The following RBFOX1 variants were observed in gnomAD, a reference collection of about 807,000 sequenced individuals.
RBFOX1 encodes RNA binding fox-1 homolog 1.
Under a neutral mutation model 57.7 loss-of-function variants are expected in RBFOX1, and 8 were observed. The observed-to-expected ratio is 0.14, with a 90% CI of 0.08 to 0.25. RBFOX1 has a LOEUF of 0.25. Among genes scored for constraint, RBFOX1 ranks in the 10% least tolerant of loss-of-function variants. The pLI is 1.00. For missense variants in RBFOX1, 611 were observed against 548.5 expected (o/e 1.11, Z -1.14); for synonymous variants, 326 against 222.4 (o/e 1.47, Z -4.15).
chr16:7,206,893 G>C lies in RBFOX1; in HGVS notation c.27+154795G>C, dbSNP rs554857008. Among the ~76,000 whole-genome samples the C allele has an allele frequency of 2.6e-5, 4 of 152,214 alleles. No homozygotes were observed. In the East Asian group the frequency reaches 5.8e-4, roughly 22 times the overall value. ...GAGGCTGGAGAAACCGTCTTAACTTGAAACAGTAGTTTATTGCTTCTTACA... is the reference window on the plus strand; with the variant it reads ...GAGGCTGGAGAAACCGTCTTAACTTCAAACAGTAGTTTATTGCTTCTTACA... On this transcript the variant is annotated intron_variant, in intron 4 of 15. Transcript: ENST00000550418.
At chr16:6,731,431 C>G (rs1382395504) in intron 3 of RBFOX1, among the ~76,000 whole-genome samples, 1 of 152,152 alleles carries the variant, frequency 6.6e-6, no homozygotes. Context: ...CTGCTACTCT[C>G]TGTCCTTCAT....
chr16:5,612,834 G>A (rs2047873371), intron 3 of RBFOX1, among the ~76,000 whole-genome samples: 1 of 152,240 alleles, frequency 6.6e-6, no homozygotes. Context: ...GTGCCACCAT[G>A]AGGCAGAAAC....
At chr16:7,096,379 A>G (rs139723457) in intron 4 of RBFOX1, among the ~76,000 whole-genome samples, 90 of 152,178 alleles carry the variant, frequency 5.9e-4, no homozygotes, top group South Asian at 3.9e-3. Flanking sequence ...TCTCGGACCT[A>G]TTTTTCTCCG....
chr16:6,682,753 A>G (rs1441160846), intron 3 of RBFOX1, among the ~76,000 whole-genome samples: 1 of 151,990 alleles, frequency 6.6e-6, no homozygotes, highest in Non-Finnish European at 1.5e-5. Flanking sequence ...CATTACCAGT[A>G]GATTCATACT....
intron 2 of RBFOX1, among the ~76,000 whole-genome samples, chr16:6,598,761 T>C (rs9938984): frequency 0.069 from 10,438 of 152,008 alleles, 1,205 homozygotes; most frequent in African/African-American, 0.24. Context: ...GCCGGACCAA[T>C]ATGGTGAAAC....
At chr16:7,445,492 C>CA (rs2098800902) in intron 4 of RBFOX1, among the ~76,000 whole-genome samples, 1 of 152,098 alleles carries the variant, frequency 6.6e-6, no homozygotes, top group Non-Finnish European at 1.5e-5. Context: ...ATGAACTTCT[C>CA]AAAATGCACT....
chr16:7,403,912 T>TG (rs2098287843), intron 4 of RBFOX1, among the ~76,000 whole-genome samples: 1 of 149,190 alleles, frequency 6.7e-6, no homozygotes, highest in East Asian at 2.0e-4. Context: ...ATATTATTCT[T>TG]TTATATATAT....
intron 2 of RBFOX1, among the ~76,000 whole-genome samples, chr16:6,629,094 G>A (rs1476976473): frequency 1.3e-5 from 2 of 152,140 alleles, no homozygotes; most frequent in Non-Finnish European, 2.9e-5. Flanking sequence ...AAATGAAAGA[G>A]TACATACTTT....
chr16:7,366,905 C>A (rs2147054249), intron 4 of RBFOX1, among the ~76,000 whole-genome samples: 1 of 152,168 alleles, frequency 6.6e-6, no homozygotes, highest in African/African-American at 2.4e-5. Flanking sequence ...CTTTTCATCC[C>A]CCCAAATCAT....
chr16:5,594,074 T>G (rs17500334), intron 2 of RBFOX1, among the ~76,000 whole-genome samples: 1 of 151,944 alleles, frequency 6.6e-6, no homozygotes, highest in Non-Finnish European at 1.5e-5. Context: ...TTGGTCCACG[T>G]AGGTTTTACT....
chr16:7,458,505 T>C (rs2058964403), intron 4 of RBFOX1, among the ~76,000 whole-genome samples: 1 of 152,232 alleles, frequency 6.6e-6, no homozygotes. Context: ...AATTTTATTT[T>C]ACTGTTGCTT....
intron 1 of RBFOX1, among the ~76,000 whole-genome samples, chr16:5,291,897 G>A (rs1397296478): frequency 6.6e-6 from 1 of 152,074 alleles, no homozygotes; most frequent in Admixed American, 6.6e-5. Flanking sequence ...ATACTCAAGT[G>A]GGCCCTCCAG....
At chr16:7,257,416 AGGG>A (rs1567921066) in intron 4 of RBFOX1, among the ~76,000 whole-genome samples, 1 of 152,088 alleles carries the variant, frequency 6.6e-6, no homozygotes, top group African/African-American at 2.4e-5. Flanking sequence ...AAGTCACTGT[AGGG>A]AAAATGTACT....
At chr16:5,302,529 G>C (rs1204240179) in intron 1 of RBFOX1, among the ~76,000 whole-genome samples, 4 of 152,112 alleles carry the variant, frequency 2.6e-5, no homozygotes, top group African/African-American at 9.7e-5. Flanking sequence ...ACTCAGAATG[G>C]AGTGTTAAAA....
intron 4 of RBFOX1, among the ~76,000 whole-genome samples, chr16:5,900,137 T>C (rs183942121): frequency 6.8e-4 from 103 of 152,338 alleles, no homozygotes; most frequent in African/African-American, 2.4e-3. Flanking sequence ...GCTTATATTG[T>C]ACCTTTGTTT....
intron 2 of RBFOX1, among the ~76,000 whole-genome samples, chr16:5,479,369 A>G (rs1338431367): frequency 6.6e-6 from 1 of 152,202 alleles, no homozygotes; most frequent in Non-Finnish European, 1.5e-5. Context: ...GCTAGGAGAG[A>G]TTAGAGATGG....
At chr16:6,522,154 A>AGTGTGTGTGTGT (rs35360830) in intron 2 of RBFOX1, among the ~76,000 whole-genome samples, 207 of 142,856 alleles carry the variant, frequency 1.4e-3, no homozygotes, top group African/African-American at 4.6e-3. Context: ...GGGGACCCAC[A>AGTGTGTGTGTGT]GTGTGTGTGT....
At chr16:5,815,187 T>C (rs2055588114) in intron 3 of RBFOX1, among the ~76,000 whole-genome samples, 1 of 132,256 alleles carries the variant, frequency 7.6e-6, no homozygotes, top group African/African-American at 2.9e-5. Flanking sequence ...GTAGAGACAG[T>C]CTCACTATGT....
chr16:7,182,365 G>T (rs1281351133), intron 4 of RBFOX1, among the ~76,000 whole-genome samples: 2 of 152,136 alleles, frequency 1.3e-5, no homozygotes, highest in Admixed American at 6.6e-5. Flanking sequence ...TCTTCCTGAA[G>T]CCCCCTCTCT....
Sources: allele counts gnomAD v4.1 joint callset (sites outside exome capture counted in the v4.1 genomes callset), GRCh38; gene constraint gnomAD v4.1.1; transcripts MANE v1.5; gene names NCBI Gene and HGNC (gene_info 2026-07-23, HGNC 2026-07-21).